Variants in JUP observed in about 807,000 individuals in gnomAD.
JUP encodes the protein catenin (cadherin-associated protein), gamma 80kDa.
Under a neutral mutation model 71.1 loss-of-function variants are expected in JUP, and 28 were observed. That is an observed-to-expected ratio of 0.39 (90% CI 0.29 to 0.54). JUP has a LOEUF of 0.54. Ranked by LOEUF, JUP falls within the 20% of genes least tolerant of loss-of-function variation. The probability of loss-of-function intolerance (pLI) is 0.62; values close to 1 mark genes in which losing one functional copy is unlikely to be tolerated. For synonymous variants in JUP, 401 were observed against 438.9 expected, an observed-to-expected ratio of 0.91 and a Z score of 1.08; for missense variants, 869 against 1,030.1, an observed-to-expected ratio of 0.84 and a Z score of 2.14.
At chr17:41,781,222 G>T (rs567187996) in intron 1 of JUP, among the ~76,000 whole-genome samples, 174 of 151,866 alleles carry the variant, frequency 1.1e-3, no homozygotes, top group African/African-American at 3.7e-3. Context: ...GGGCGTACTG[G>T]CAGGCGCTTG....
intron 1 of JUP, among the ~76,000 whole-genome samples, chr17:41,781,807 A>G (rs1190120453): frequency 6.6e-6 from 1 of 152,022 alleles, no homozygotes; most frequent in Non-Finnish European, 1.5e-5. Flanking sequence ...TTATTTCTCA[A>G]CTCAAGATTT....
intron 1 of JUP, among the ~76,000 whole-genome samples, chr17:41,774,793 G>A (rs1249901772): frequency 2.0e-5 from 3 of 152,094 alleles, no homozygotes; most frequent in Admixed American, 2.0e-4. Context: ...TGGAAGCAGA[G>A]CACTCGGCTG....
intron 1 of JUP, among the ~76,000 whole-genome samples, chr17:41,782,305 A>T (rs2047205684): frequency 6.6e-6 from 1 of 152,062 alleles, no homozygotes; most frequent in Non-Finnish European, 1.5e-5. Context: ...TGCCTATCTC[A>T]GGTCTCTTGG....
At chr17:41,781,710 A>G (rs2047175182) in intron 1 of JUP, among the ~76,000 whole-genome samples, 1 of 152,198 alleles carries the variant, frequency 6.6e-6, no homozygotes, top group Non-Finnish European at 1.5e-5. Flanking sequence ...AGTCTCCCCA[A>G]AGGGCAGCAA....
In JUP at chr17:41,755,698, A is replaced by T; in HGVS notation, c.*46T>A. ...CCTCCAACAGAAGGAGGTTCTAGAGAGGAGGAAAAGCCTGCAAAGAGGGGG... is the reference window on the plus strand; with the variant it reads ...CCTCCAACAGAAGGAGGTTCTAGAGTGGAGGAAAAGCCTGCAAAGAGGGGG... On this transcript the variant is annotated 3_prime_UTR_variant, in exon 14 of 14. Coordinates refer to ENST00000393931, the MANE Select transcript of JUP (RefSeq NM_002230.4). 4 of 1,506,958 alleles carry T rather than the reference A, an allele frequency of 2.7e-6. No individual in the cohort carries two copies. Among genetic ancestry groups the T allele is most frequent in the Non-Finnish European group, 3.6e-6 (4 of 1,125,748 alleles). The allele number at this position is 1,506,958 out of a possible 1,614,324, so 93.3% of individuals were successfully genotyped here. A position where few individuals can be genotyped will look rare whatever the true frequency, so the allele number is the denominator to read the frequency against.
At chr17:41,784,469 ATTATC>A (rs1555611228) in intron 1 of JUP, among the ~76,000 whole-genome samples, 2 of 152,112 alleles carry the variant, frequency 1.3e-5, no homozygotes, top group African/African-American at 4.8e-5. Flanking sequence ...CTTCCTCAGT[ATTATC>A]TTTTCATCAC....
At chr17:41,769,821 T>C (rs1555606101) in intron 2 of JUP, 144 bp from the exon 3 acceptor site, 3 of 876,018 alleles carry the variant, frequency 3.4e-6, no homozygotes, top group Admixed American at 5.4e-5. Context: ...CTGGCCATTC[T>C]ACCTCTCACC....
intron 1 of JUP, among the ~76,000 whole-genome samples, chr17:41,782,257 AC>A (rs1168552325): frequency 6.6e-6 from 1 of 151,408 alleles, no homozygotes; most frequent in Non-Finnish European, 1.5e-5. Context: ...AGCACACATG[AC>A]CCCCACCTCC....
intron 5 of JUP, among the ~76,000 whole-genome samples, chr17:41,765,278 C>T (rs1915531941): frequency 6.6e-6 from 1 of 152,150 alleles, no homozygotes; most frequent in Admixed American, 6.5e-5. Context: ...TCAAGTGATC[C>T]TCACACCTCA....
At chr17:41,756,012 T>C (rs1913659056) in intron 13 of JUP, 117 bp from the exon 14 acceptor site, 3 of 1,144,082 alleles carry the variant, frequency 2.6e-6, no homozygotes, top group African/African-American at 3.3e-5. Context: ...GCCTGACCCC[T>C]CCCCAGACCC....
At chr17:41,769,276 G>C in intron 3 of JUP, 69 bp from the exon 4 acceptor site, 1 of 1,562,548 alleles carries the variant, frequency 6.4e-7, no homozygotes, top group Non-Finnish European at 8.7e-7. Context: ...CCACAGAGCT[G>C]AGGAGGGCCC....
chr17:41,760,807 C>G lies in JUP; in HGVS notation c.1498-1937G>C, dbSNP rs372425902. Among the ~76,000 whole-genome samples the G allele has an allele frequency of 3.3e-4, 50 of 152,198 alleles. 1 individual carries two copies. In the East Asian group the frequency reaches 4.5e-3, roughly 14 times the overall value. On this transcript the variant is annotated intron_variant, in intron 8 of 13. Transcript: ENST00000393931. ...AACTCCTAACTTCAGGTAATCCTCC[C>G]GCCCCGTCCTCCCAAAGTGCTGGGA...
rs547195063 is a variant in JUP at position 41,760,459 on chromosome 17, C to T, written c.1498-1589G>A. Among the ~76,000 whole-genome samples, 543 of 152,022 alleles carry T rather than the reference C, an allele frequency of 3.6e-3. 3 individuals are homozygous for T. The highest frequency in any genetic ancestry group is 0.012 in the African/African-American group (518 of 41,480). ...TTTTTTAGTAGAGATGGGGTTTCAC[C>T]GTGTTAGCCAGGATGGTCTCGATCT... On this transcript the variant is annotated intron_variant, in intron 8 of 13. Transcript: ENST00000393931.
chr17:41,757,358 C>T, intron 12 of JUP, 57 bp downstream of exon 12: 1 of 1,598,602 alleles, frequency 6.3e-7, no homozygotes, highest in Non-Finnish European at 8.6e-7. Flanking sequence ...AAGTGTTGCC[C>T]ATGGGCAGTG....
chr17:41,783,446 C>T (rs372482231), intron 1 of JUP, among the ~76,000 whole-genome samples: 1 of 151,722 alleles, frequency 6.6e-6, no homozygotes, highest in Non-Finnish European at 1.5e-5. Flanking sequence ...CACCACCACG[C>T]CCGGCTAATT....
rs192045586 is a variant in JUP, at chr17:41,764,965, G to A, written c.1012C>T (p.Leu338=). The A allele has an allele frequency of 6.2e-7, 1 of 1,614,200 alleles. No individual in the cohort carries two copies. The highest frequency in any genetic ancestry group is 1.7e-5 in the Admixed American group (1 of 60,016). ...LWTTSRVLKV[L]SVCPSNKPAI... is the part of the protein sequence containing the mutation. ...GGCTTATTGCTGGGACACACGGATA[G>A]CACCTTGAGCACACGACTGGTGGTC... Residue 338 remains leucine, a synonymous_variant, in exon 6 of 14, where the codon CTA becomes TTA. Coordinates refer to ENST00000393931, the MANE Select transcript of JUP (RefSeq NM_002230.4).
At chr17:41,770,081 C>T (rs1423229585) in intron 2 of JUP, among the ~76,000 whole-genome samples, 2 of 152,056 alleles carry the variant, frequency 1.3e-5, no homozygotes, top group Non-Finnish European at 2.9e-5. Context: ...ACTCAGGGGC[C>T]CAAACCCCTA....
intron 8 of JUP, among the ~76,000 whole-genome samples, chr17:41,762,162 AGAGAGAGAGAGAGAGTGTGT>A (rs1248990118): frequency 4.8e-4 from 42 of 87,160 alleles, no homozygotes; most frequent in Non-Finnish European, 6.3e-4. Context: ...AGAGAGAGAG[AGAGAGAGAGAGAGAGTGTGT>A]GTGTGTGTGT....
In JUP at chr17:41,758,453, G is replaced by A. The variant is rs782569390; in HGVS notation, c.1719C>T (p.Asp573=). Residue 573 remains aspartate, a synonymous_variant, in exon 10 of 14, where the codon GAC becomes GAT. Transcript: ENST00000393931. The part of the protein sequence containing the change: ...CTGALHILAR[D]PMNRMEIFRL... ...GGAAGATCTCCATGCGGTTCATGGG[G>A]TCCCGGGCGAGGATGTGCAGTGCTC... 1.9e-6 allele frequency: 3 copies of A among 1,614,050 alleles called. No homozygotes were observed. The highest frequency in any genetic ancestry group is 2.2e-5 in the South Asian group (2 of 91,074).
Sources: allele counts gnomAD v4.1 joint callset (sites outside exome capture counted in the v4.1 genomes callset), GRCh38; gene constraint gnomAD v4.1.1; transcripts MANE v1.5; gene names NCBI Gene and HGNC (gene_info 2026-07-23, HGNC 2026-07-21).